The following TMEM161B variants were observed in gnomAD, a reference collection of about 807,000 sequenced individuals.
TMEM161B encodes transmembrane protein 161B.
A neutral mutation model predicts 61.8 loss-of-function variants in TMEM161B; 34 were observed. The ratio of observed to expected loss-of-function variants is 0.55; its 90% confidence interval spans 0.42 to 0.73. The LOEUF (loss-of-function observed/expected upper bound fraction) is 0.73, where lower values mean the gene tolerates loss of function less well. Among genes scored for constraint, TMEM161B ranks in the 30% least tolerant of loss-of-function variants. TMEM161B has a pLI of 0.00. For synonymous variants in TMEM161B, 167 were observed against 192.8 expected (o/e 0.87, Z 1.11); for missense variants, 456 against 558.5 (o/e 0.82, Z 1.85).
At chr5:88,206,903 A>G (rs1287913186) in intron 6 of TMEM161B, 126 bp downstream of exon 6, 1 of 763,120 alleles carries the variant, frequency 1.3e-6, no homozygotes, top group African/African-American at 1.8e-5. Context: ...TATTTTGAAC[A>G]TTACAGAGTA....
At chr5:88,185,857 C>A (rs1045408455), downstream of TMEM161B, among the ~76,000 whole-genome samples, 1 of 152,082 alleles carries the variant, frequency 6.6e-6, no homozygotes, top group African/African-American at 2.4e-5. Context: ...CAAATTCAGT[C>A]AAACAGACCA....
At chr5:88,244,851 C>T (rs983471105) in intron 1 of TMEM161B, among the ~76,000 whole-genome samples, 3 of 151,712 alleles carry the variant, frequency 2.0e-5, no homozygotes, top group African/African-American at 4.8e-5. Context: ...TTATACAGGT[C>T]TTTCACCTCC....
downstream of TMEM161B, among the ~76,000 whole-genome samples, chr5:88,193,589 A>G (rs1376331824): frequency 6.6e-6 from 1 of 152,214 alleles, no homozygotes. Context: ...GTATACTTAG[A>G]GTTTAAGTTT....
At chr5:88,230,293 TGA>T (rs1332604765) in intron 2 of TMEM161B, among the ~76,000 whole-genome samples, 2 of 152,158 alleles carry the variant, frequency 1.3e-5, no homozygotes, top group African/African-American at 4.8e-5. Context: ...GGTATGATAA[TGA>T]GATTGTGGTA....
intron 11 of TMEM161B, among the ~76,000 whole-genome samples, chr5:88,196,815 GGACA>G (rs1259645280): frequency 6.6e-6 from 1 of 151,976 alleles, no homozygotes; most frequent in African/African-American, 2.4e-5. Context: ...GGAGTGACAA[GGACA>G]GATTCAATAA....
chr5:88,220,758 A>C, intron 4 of TMEM161B, 39 bp from the exon 5 acceptor site: 1 of 1,506,546 alleles, frequency 6.6e-7, no homozygotes, highest in South Asian at 1.3e-5. Context: ...AAAAGGTCAA[A>C]AAAAACAGTT....
intron 9 of TMEM161B, chr5:88,201,565 C>T (rs1744410076): frequency 6.6e-6 from 1 of 151,994 alleles, no homozygotes; most frequent in Non-Finnish European, 1.5e-5. Context: ...ATGCTAGTTT[C>T]CTTATTTTCT....
Position 88,207,257 on chromosome 5 carries a change from T to C in TMEM161B, c.447-77A>G, listed in dbSNP as rs1745688490. On this transcript the variant is annotated intron_variant, in intron 5 of 11. Coordinates refer to ENST00000296595, the MANE Select transcript of TMEM161B (RefSeq NM_153354.5). ...CACAATGATCTTTATAGGACTTGAT[T>C]GCAATAAAATTTGACTACAACATTT... is the stretch of plus-strand genomic sequence containing the variant. 6.0e-6 allele frequency: 8 copies of C among 1,332,666 alleles called. No homozygotes were observed. In the South Asian group the frequency reaches 7.7e-5, roughly 13 times the overall value. 82.6% of individuals were successfully genotyped at this position (1,332,666 alleles called of 1,614,324 possible).
At chr5:88,236,270 AGG>A (rs1256264223) in intron 2 of TMEM161B, among the ~76,000 whole-genome samples, 1 of 152,186 alleles carries the variant, frequency 6.6e-6, no homozygotes, top group African/African-American at 2.4e-5. Context: ...CAGAAGATAA[AGG>A]GGTAGAGAAA....
Position 88,195,543 on chromosome 5 carries a change from T to C in TMEM161B, c.*668A>G, listed in dbSNP as rs1373275867. 9.1e-6 allele frequency: 9 copies of C among 985,320 alleles called. No homozygotes were observed. The highest frequency in any genetic ancestry group is 1.1e-5 in the Non-Finnish European group (9 of 829,734). The allele number at this position is 985,320 out of a possible 1,614,324, so 61.0% of individuals were successfully genotyped here. ...AATGGCAAGATTACAAATGTTCATA[T>C]GGCCAATCATTTTAAAAGAACTCTC... On this transcript the variant is annotated 3_prime_UTR_variant, in exon 12 of 12. Transcript: ENST00000296595.
chr5:88,234,140 T>C (rs1009973393), intron 2 of TMEM161B, among the ~76,000 whole-genome samples: 2 of 151,384 alleles, frequency 1.3e-5, no homozygotes, highest in Non-Finnish European at 2.9e-5. Flanking sequence ...GGGAGAAGTT[T>C]AAAAAAAAAG....
intron 2 of TMEM161B, among the ~76,000 whole-genome samples, chr5:88,232,870 G>A (rs1042695448): frequency 6.6e-6 from 1 of 152,044 alleles, no homozygotes; most frequent in African/African-American, 2.4e-5. Context: ...CACCGCGCCT[G>A]GCCTTAAGAC....
chr5:88,186,128 T>C (rs938338332), downstream of TMEM161B, among the ~76,000 whole-genome samples: 1 of 152,242 alleles, frequency 6.6e-6, no homozygotes, highest in African/African-American at 2.4e-5. Flanking sequence ...TGAAAGGTCT[T>C]ACATGTATTT....
downstream of TMEM161B, among the ~76,000 whole-genome samples, chr5:88,188,206 G>C (rs1464072495): frequency 6.6e-6 from 1 of 151,982 alleles, no homozygotes; most frequent in East Asian, 1.9e-4. Flanking sequence ...CCAGGTTCAA[G>C]CGATTCTCCT....
Position 88,242,072 on chromosome 5 carries a change from T to C in TMEM161B, c.4-1156A>G, listed in dbSNP as rs140663731. Among the ~76,000 whole-genome samples the C allele has an allele frequency of 3.8e-3, 578 of 151,904 alleles. 5 individuals are homozygous for C. Among genetic ancestry groups the C allele is most frequent in the Middle Eastern group, 0.014 (4 of 294 alleles). On this transcript the variant is annotated intron_variant, in intron 1 of 11. Coordinates refer to ENST00000296595, the MANE Select transcript of TMEM161B (RefSeq NM_153354.5). ...TCTCTTTTCTATTTTGAATCCTTCC[T>C]ATCAGCATTGTGTAATACCTGTAAG...
chr5:88,197,074 T>C (rs358294), intron 11 of TMEM161B, among the ~76,000 whole-genome samples: 127,256 of 152,018 alleles, frequency 0.84, 53,432 homozygotes, highest in Non-Finnish European at 0.88. Context: ...TCCATGAAGC[T>C]AAATAATGCT....
At chr5:88,197,644 T>C in intron 11 of TMEM161B, 25 bp downstream of exon 11, 12 of 1,580,054 alleles carry the variant, frequency 7.6e-6, no homozygotes, top group Non-Finnish European at 1.0e-5. Flanking sequence ...TAAAAGATGC[T>C]TCCTAGTTGC....
chr5:88,265,238 T>A (rs1017342057), intron 1 of TMEM161B, among the ~76,000 whole-genome samples: 33 of 152,340 alleles, frequency 2.2e-4, no homozygotes, highest in South Asian at 1.4e-3. Context: ...TTAACCCACT[T>A]TTCAAAACTC....
chr5:88,228,712 G>C (rs990312816), intron 2 of TMEM161B, among the ~76,000 whole-genome samples, 184 bp from the exon 3 acceptor site: 1 of 152,050 alleles, frequency 6.6e-6, no homozygotes, highest in East Asian at 1.9e-4. Flanking sequence ...ACATCCAGCA[G>C]ACACTTAACC....
Sources: gnomAD v4.1 joint callset for allele counts (sites outside exome capture counted in the v4.1 genomes callset) on GRCh38, gnomAD v4.1.1 for gene constraint, MANE v1.5 for transcripts, NCBI Gene and HGNC (gene_info 2026-07-23, HGNC 2026-07-21) for gene names.